The following IMMP2L variants were observed in gnomAD, a reference collection of about 807,000 sequenced individuals.
IMMP2L encodes the protein mitochondrial inner membrane protease subunit 2.
Under a neutral mutation model 19.3 loss-of-function variants are expected in IMMP2L, and 18 were observed. The observed-to-expected ratio is 0.93, with a 90% confidence interval of 0.64 to 1.38. The LOEUF is 1.38. IMMP2L is among the 40% of genes most tolerant of loss of function. The pLI is 0.00. For missense variants in IMMP2L, 233 were observed against 218.2 expected, an observed-to-expected ratio of 1.07 and a Z score of -0.43; for synonymous variants, 76 against 73.0, an observed-to-expected ratio of 1.04 and a Z score of -0.21.
intron 3 of IMMP2L, among the ~76,000 whole-genome samples, chr7:111,364,184 A>G (rs1342925537): frequency 6.6e-6 from 1 of 152,182 alleles, no homozygotes; most frequent in Non-Finnish European, 1.5e-5. Context: ...GGTGCTAAAC[A>G]TTAAAAGTCA....
At chr7:111,411,898 G>A (rs566863676) in intron 3 of IMMP2L, 251 of 188,476 alleles carry the variant, frequency 1.3e-3, no homozygotes, top group Non-Finnish European at 4.7e-4. Flanking sequence ...ATGTACAATG[G>A]AGACCTGGGG....
intron 3 of IMMP2L, among the ~76,000 whole-genome samples, chr7:110,995,097 A>C (rs1322173688): frequency 6.6e-6 from 1 of 152,156 alleles, no homozygotes; most frequent in East Asian, 1.9e-4. Context: ...AAGTACAACT[A>C]ACATGAATAT....
At chr7:110,666,420 G>T (rs549070692) in intron 5 of IMMP2L, among the ~76,000 whole-genome samples, 1 of 151,496 alleles carries the variant, frequency 6.6e-6, no homozygotes, top group African/African-American at 2.4e-5. Flanking sequence ...GACTACAGGC[G>T]CCCGCCACCA....
intron 3 of IMMP2L, among the ~76,000 whole-genome samples, chr7:111,160,439 A>C (rs548069618): frequency 6.6e-6 from 1 of 152,102 alleles, no homozygotes; most frequent in African/African-American, 2.4e-5. Context: ...TGGACACTAA[A>C]ATTTAAATCA....
chr7:111,171,147 T>A (rs1336127892), intron 3 of IMMP2L, among the ~76,000 whole-genome samples: 4 of 129,456 alleles, frequency 3.1e-5, no homozygotes, highest in Non-Finnish European at 5.1e-5. Context: ...CTTTTCTTCA[T>A]GAGCATTCTT....
chr7:111,488,159 G>C (rs1480035741), intron 2 of IMMP2L, among the ~76,000 whole-genome samples: 1 of 152,084 alleles, frequency 6.6e-6, no homozygotes, highest in African/African-American at 2.4e-5. Flanking sequence ...AGCTAAGATA[G>C]CCTTTTCACT....
At chr7:111,388,019 C>T (rs1348445481) in intron 3 of IMMP2L, among the ~76,000 whole-genome samples, 1 of 149,612 alleles carries the variant, frequency 6.7e-6, no homozygotes. Flanking sequence ...TAAATAACCC[C>T]ATTTTTAATA....
chr7:111,440,956 C>A (rs1837651346), intron 3 of IMMP2L, among the ~76,000 whole-genome samples: 1 of 151,898 alleles, frequency 6.6e-6, no homozygotes, highest in South Asian at 2.1e-4. Flanking sequence ...CCTTAAGCCT[C>A]ATGAACTCAG....
intron 3 of IMMP2L, among the ~76,000 whole-genome samples, chr7:111,051,129 C>G (rs577670893): frequency 6.6e-6 from 1 of 152,280 alleles, no homozygotes; most frequent in South Asian, 2.1e-4. Context: ...CAGAGTAAGA[C>G]TCTGTCTCAA....
At chr7:111,492,337 G>A (rs1381407799) in intron 2 of IMMP2L, 3 of 954,144 alleles carry the variant, frequency 3.1e-6, no homozygotes, top group Non-Finnish European at 3.7e-6. Flanking sequence ...TTATTTAACA[G>A]TAGTACCACT....
At chr7:111,416,524 C>G (rs879384407) in intron 3 of IMMP2L, among the ~76,000 whole-genome samples, 1 of 151,796 alleles carries the variant, frequency 6.6e-6, no homozygotes, top group African/African-American at 2.4e-5. Context: ...CACTTTCCCT[C>G]TGTCTTTGGA....
In IMMP2L at chr7:111,179,548, A is replaced by G. The variant is rs1451521245; in HGVS notation, c.240-215983T>C. Among the ~76,000 whole-genome samples, 4 of 152,034 alleles carry G rather than the reference A, an allele frequency of 2.6e-5. No individual in the cohort carries two copies. In the South Asian group the frequency reaches 8.3e-4, roughly 32 times the overall value. ...TCTGTTGTTCCCTTTACAGAGAACA[A>G]GTAGAACAGATTTAGCATCATTCTT... On this transcript the variant is annotated intron_variant, in intron 3 of 5. Coordinates refer to ENST00000405709, the MANE Select transcript of IMMP2L (RefSeq NM_032549.4).
At chr7:111,329,761 T>C (rs1825696397) in intron 3 of IMMP2L, among the ~76,000 whole-genome samples, 2 of 151,786 alleles carry the variant, frequency 1.3e-5, no homozygotes, top group South Asian at 4.1e-4. Flanking sequence ...AATTTAAAAA[T>C]TGGAAGGCAT....
chr7:111,445,316 A>C (rs1234729920), intron 3 of IMMP2L, among the ~76,000 whole-genome samples: 1 of 152,104 alleles, frequency 6.6e-6, no homozygotes, highest in Non-Finnish European at 1.5e-5. Context: ...TTAAGTGAGG[A>C]CCAGCTCCCC....
intron 4 of IMMP2L, among the ~76,000 whole-genome samples, chr7:110,907,667 C>T (rs971242181): frequency 2.6e-5 from 4 of 152,168 alleles, no homozygotes; most frequent in African/African-American, 4.8e-5. Context: ...TCAATAGTTT[C>T]TAGATTTACT....
chr7:110,882,339 T>TCCTTCCTC (rs1809758804), intron 5 of IMMP2L, among the ~76,000 whole-genome samples: 1 of 140,752 alleles, frequency 7.1e-6, no homozygotes, highest in African/African-American at 2.7e-5. Context: ...CTTCCTTCCT[T>TCCTTCCTC]CCCTCCTTCC....
chr7:110,863,473 A>T lies in IMMP2L; in HGVS notation c.408+23120T>A, dbSNP rs556304153. On this transcript the variant is annotated intron_variant, in intron 5 of 5. Coordinates refer to ENST00000405709, the MANE Select transcript of IMMP2L (RefSeq NM_032549.4). ...TCCCTAACTTATAAAGGTTTGACTC[A>T]GGATTTTTCCACTTTCTGATGGTGA... 4.5e-4 allele frequency among the ~76,000 whole-genome samples: 68 copies of T among 152,258 alleles called. 1 individual carries two copies. In the South Asian group the frequency reaches 8.5e-3, roughly 19 times the overall value.
chr7:111,559,900 C>A (rs974496422), intron 1 of IMMP2L, among the ~76,000 whole-genome samples: 1 of 151,950 alleles, frequency 6.6e-6, no homozygotes, highest in African/African-American at 2.4e-5. Context: ...CTGTAAAAGT[C>A]ATGCTACTTC....
At chr7:111,379,615 T>C (rs1831006962) in intron 3 of IMMP2L, among the ~76,000 whole-genome samples, 1 of 151,660 alleles carries the variant, frequency 6.6e-6, no homozygotes, top group South Asian at 2.1e-4. Flanking sequence ...AGAAACACCA[T>C]TTTCTCAAAT....
Sources: gnomAD v4.1 joint callset for allele counts (sites outside exome capture counted in the v4.1 genomes callset) on GRCh38, gnomAD v4.1.1 for gene constraint, MANE v1.5 for transcripts, NCBI Gene and HGNC (gene_info 2026-07-23, HGNC 2026-07-21) for gene names.